The following RNF144A variants were observed in gnomAD, a reference collection of about 807,000 sequenced individuals.
The protein encoded by RNF144A is ring finger protein 144A, also known as E3 ubiquitin-protein ligase RNF144A.
A neutral mutation model predicts 38.7 loss-of-function variants in RNF144A; 11 were observed. The ratio of observed to expected loss-of-function variants is 0.28; its 90% CI spans 0.18 to 0.47. The LOEUF is 0.47. Among genes scored for constraint, RNF144A ranks in the 20% least tolerant of loss-of-function variants. The pLI is 0.99. For synonymous variants in RNF144A, 149 were observed against 143.9 expected, an observed-to-expected ratio of 1.04 and a Z score of -0.25; for missense variants, 316 against 377.2, an observed-to-expected ratio of 0.84 and a Z score of 1.34.
intron 6 of RNF144A, among the ~76,000 whole-genome samples, chr2:7,060,632 C>T (rs1213339591): frequency 2.0e-5 from 3 of 152,312 alleles, no homozygotes; most frequent in African/African-American, 4.8e-5. Flanking sequence ...GTTCCCAGCT[C>T]GTTGTCCCTA....
chr2:7,014,654 C>A, intron 4 of RNF144A, 58 bp from the exon 5 acceptor site: 1 of 1,540,680 alleles, frequency 6.5e-7, no homozygotes, highest in Non-Finnish European at 9.0e-7. Flanking sequence ...GTGTGCGTTG[C>A]ATTATATTCT....
At chr2:6,921,250 C>T (rs578128169) in intron 1 of RNF144A, among the ~76,000 whole-genome samples, 55 of 152,258 alleles carry the variant, frequency 3.6e-4, no homozygotes, top group African/African-American at 6.0e-4. Context: ...CTGGATGTTC[C>T]GTAGAACTGG....
intron 2 of RNF144A, among the ~76,000 whole-genome samples, chr2:6,986,681 C>CT (rs1274710444): frequency 6.6e-6 from 1 of 152,136 alleles, no homozygotes; most frequent in Non-Finnish European, 1.5e-5. Context: ...GCTGCTTTTT[C>CT]TTTGTGTTCT....
intron 6 of RNF144A, among the ~76,000 whole-genome samples, chr2:7,052,491 T>C (rs1673570432): frequency 6.6e-6 from 1 of 152,216 alleles, no homozygotes; most frequent in Non-Finnish European, 1.5e-5. Context: ...TTCTCTCCAC[T>C]GAATCATTGT....
intron 8 of RNF144A, among the ~76,000 whole-genome samples, chr2:7,034,783 G>A (rs1156948710): frequency 6.6e-6 from 1 of 152,268 alleles, no homozygotes; most frequent in Non-Finnish European, 1.5e-5. Context: ...GGATGTTGCA[G>A]AAAGTGCTTT....
At position 7,030,029 on chromosome 2, in the gene RNF144A, CAT is replaced by C. The variant is rs1672175114; in HGVS notation, c.658-96_658-95del. ...TCACCTCCCTCATGTCTCCACTTAT[CAT>C]GAGCATAGGAGAAGAAATGCATCAA... On this transcript the variant is annotated intron_variant, in intron 7 of 8. Transcript: ENST00000320892. 4.7e-5 allele frequency: 35 copies of C among 738,496 alleles called. No homozygotes were observed. In the Middle Eastern group the frequency reaches 1.0e-3, roughly 21 times the overall value. The allele number at this position is 738,496 out of a possible 1,614,324, so 45.7% of individuals were successfully genotyped here.
chr2:6,928,330 C>A (rs1665003931), intron 1 of RNF144A, among the ~76,000 whole-genome samples: 1 of 152,218 alleles, frequency 6.6e-6, no homozygotes, highest in Non-Finnish European at 1.5e-5. Context: ...TTGCCGCAGG[C>A]CCCCTTCATT....
intron 2 of RNF144A, among the ~76,000 whole-genome samples, chr2:6,966,004 T>C (rs1259841319): frequency 6.6e-6 from 1 of 152,172 alleles, no homozygotes; most frequent in East Asian, 1.9e-4. Context: ...CATTCAGCAT[T>C]GGGGAAGTTG....
intron 8 of RNF144A, among the ~76,000 whole-genome samples, chr2:7,031,190 G>A (rs967873603): frequency 3.3e-5 from 5 of 152,126 alleles, no homozygotes; most frequent in Admixed American, 2.6e-4. Context: ...CCTGGCCCTA[G>A]GTGTTAATGC....
intron 6 of RNF144A, among the ~76,000 whole-genome samples, chr2:7,055,304 C>A (rs1673696738): frequency 6.6e-6 from 1 of 152,218 alleles, no homozygotes; most frequent in African/African-American, 2.4e-5. Flanking sequence ...TGCAGTTTCA[C>A]ACACTGAATG....
rs1403206589 is a variant in RNF144A at position 7,044,169 on chromosome 2, AC to A, written c.*4410del. The A allele has an allele frequency of 1.6e-5, 16 of 985,618 alleles. No homozygotes were observed. Among genetic ancestry groups the A allele is most frequent in the East Asian group, 1.1e-4 (1 of 8,804 alleles). 61.1% of individuals were successfully genotyped at this position (985,618 alleles called of 1,614,324 possible). On this transcript the variant is annotated 3_prime_UTR_variant, in exon 9 of 9. Transcript: ENST00000320892. ...AGCTATTTTGGCTGGAATACAGGTG[AC>A]TTTTGTAAACCCCGCGTGGCTCCGT...
intron 1 of RNF144A, among the ~76,000 whole-genome samples, chr2:6,931,376 C>T (rs574369601): frequency 7.9e-5 from 12 of 152,344 alleles, no homozygotes; most frequent in African/African-American, 2.9e-4. Flanking sequence ...CAAAGGAAAA[C>T]CTTGAAGGCC....
Position 6,944,320 on chromosome 2 carries a change from A to G in RNF144A, c.-12+3173A>G, listed in dbSNP as rs1340216448. Among the ~76,000 whole-genome samples, 2 of 152,132 alleles carry G rather than the reference A, an allele frequency of 1.3e-5. No individual in the cohort carries two copies. Among genetic ancestry groups the G allele is most frequent in the African/African-American group, 2.4e-5 (1 of 41,426 alleles). On this transcript the variant is annotated intron_variant, in intron 2 of 8. Coordinates refer to ENST00000320892, the MANE Select transcript of RNF144A (RefSeq NM_014746.6). This position sits in a 1 kb window ranked among gnomAD's most constrained non-coding sequence, Gnocchi z 4.7. ...GCTGCAAGTTCCAGTGTTCCTCCCA[A>G]AGGCTCGGCTTCTCAGTCATCCTGT...
intron 1 of RNF144A, among the ~76,000 whole-genome samples, chr2:6,926,094 A>T (rs1664848460): frequency 6.6e-6 from 1 of 152,154 alleles, no homozygotes; most frequent in South Asian, 2.1e-4. Context: ...TTGGGATGTT[A>T]CTGAGAGCCA....
At chr2:6,923,442 G>T (rs1276425885) in intron 1 of RNF144A, among the ~76,000 whole-genome samples, 1 of 152,188 alleles carries the variant, frequency 6.6e-6, no homozygotes, top group East Asian at 1.9e-4. Flanking sequence ...GAGTGTTCAA[G>T]CCTCTTCCTG....
chr2:6,946,126 A>C (rs577608419), intron 2 of RNF144A, among the ~76,000 whole-genome samples: 3 of 152,344 alleles, frequency 2.0e-5, no homozygotes, highest in Admixed American at 2.0e-4. Context: ...AACAAAAACA[A>C]ATGTATTTTT....
intron 2 of RNF144A, among the ~76,000 whole-genome samples, chr2:6,956,113 A>G (rs1666979973): frequency 6.6e-6 from 1 of 152,160 alleles, no homozygotes; most frequent in Admixed American, 6.5e-5. Flanking sequence ...AACCCATTTA[A>G]AGCTTATTGG....
At chr2:7,020,352 G>A (rs1671437270) in intron 5 of RNF144A, 121 bp from the exon 6 acceptor site, 2 of 815,958 alleles carry the variant, frequency 2.5e-6, no homozygotes, top group East Asian at 2.6e-5. Context: ...GGGGCTGGTG[G>A]TGCTGGCTGT....
intron 2 of RNF144A, among the ~76,000 whole-genome samples, chr2:6,956,077 C>G (rs772361997): frequency 3.9e-5 from 6 of 152,104 alleles, no homozygotes; most frequent in Non-Finnish European, 8.8e-5. Flanking sequence ...CCCTCTGGGA[C>G]CTTTAAAAAT....
Sources: allele counts gnomAD v4.1 joint callset (sites outside exome capture counted in the v4.1 genomes callset), GRCh38; gene constraint gnomAD v4.1.1; non-coding constraint Gnocchi (gnomAD v3.1); transcripts MANE v1.5; gene names NCBI Gene and HGNC (gene_info 2026-07-23, HGNC 2026-07-21).